Variants in MYO1F observed in about 807,000 individuals in gnomAD.
MYO1F encodes the protein unconventional myosin-If.
Under a neutral mutation model 146.6 loss-of-function variants are expected in MYO1F, and 60 were observed. The ratio of observed to expected loss-of-function variants is 0.41; its 90% CI spans 0.33 to 0.51. MYO1F has a LOEUF of 0.51. Ranked by LOEUF, MYO1F falls within the 20% of genes least tolerant of loss-of-function variation. The pLI is 0.25. For synonymous variants in MYO1F, 602 were observed against 602.1 expected (o/e 1.00, Z 0.00); for missense variants, 1,274 against 1,534.3 (o/e 0.83, Z 2.83).
rs896894788 is a variant in MYO1F, at chr19:8,530,810, C to T, written c.2044-237G>A. Among the ~76,000 whole-genome samples, 4 of 152,154 alleles carry T rather than the reference C, an allele frequency of 2.6e-5. No individual in the cohort carries two copies. The highest frequency in any genetic ancestry group is 1.9e-4 in the East Asian group (1 of 5,186). On this transcript the variant is annotated intron_variant, in intron 19 of 27. Transcript: ENST00000644032. This position sits in a 1 kb window ranked among gnomAD's most constrained non-coding sequence, Gnocchi z 5.8. Reference sequence around the variant, plus strand: ...ATCCTAGCACTTCGGGAGGCCGAGGCGGGTGGATCACCTGAGGTCAGGAGT... The same window carrying T: ...ATCCTAGCACTTCGGGAGGCCGAGGTGGGTGGATCACCTGAGGTCAGGAGT...
In MYO1F at chr19:8,554,723, G is replaced by A. The variant is rs1224460359; in HGVS notation, c.162C>T (p.Leu54=). ...DYIFTYIGSV[L]ISVNPFKQMP... The stretch of plus-strand genomic sequence containing the variant: ...TCTGCTTGAAGGGGTTTACAGAGAT[G>A]AGCACAGAGCCGATGTAGGTCTGAG... Residue 54 remains leucine, a synonymous_variant, in exon 3 of 28, where the codon CTC becomes CTT. Coordinates refer to ENST00000644032, the MANE Select transcript of MYO1F (RefSeq NM_012335.4). 2.5e-6 allele frequency: 4 copies of A among 1,613,836 alleles called. No homozygotes were observed. In the South Asian group the frequency reaches 3.3e-5, roughly 13 times the overall value.
At chr19:8,575,537 G>A (rs990832714) in intron 1 of MYO1F, among the ~76,000 whole-genome samples, 32 of 152,014 alleles carry the variant, frequency 2.1e-4, no homozygotes, top group African/African-American at 7.0e-4. Flanking sequence ...TCTGTGACCC[G>A]ATAGGGCTCA....
At chr19:8,551,461 C>T in intron 8 of MYO1F, 2 of 405,888 alleles carry the variant, frequency 4.9e-6, no homozygotes, top group Non-Finnish European at 9.3e-6. Flanking sequence ...AAGCAATTTT[C>T]CTGCCTCTGC....
rs1973455414 is a variant in MYO1F at position 8,548,254 on chromosome 19, C to T, written c.1165G>A (p.Gly389Ser). 3.1e-6 allele frequency: 5 copies of T among 1,613,966 alleles called. No individual in the cohort carries two copies. Among genetic ancestry groups the T allele is most frequent in the Admixed American group, 1.7e-5 (1 of 59,964 alleles). Residue 389 changes from glycine (G) to serine (S), a missense_variant, in exon 11 of 28, where the codon GGC (glycine) becomes AGC (serine). Physicochemically the swap from Gly to Ser is moderately conservative, Grantham distance 56 (BLOSUM62 0). This residue lies in a region of MYO1F where 900 missense variants were observed against 1,155.1 expected (regional missense o/e 0.78). Coordinates refer to ENST00000644032, the MANE Select transcript of MYO1F (RefSeq NM_012335.4). ...GGCCGTACCTGGAAGATCTCGAAGCCGTAAATGTCCAGCACACCGATGCTG... is the reference window on the plus strand; with the variant it reads ...GGCCGTACCTGGAAGATCTCGAAGCTGTAAATGTCCAGCACACCGATGCTG... ...EYSIGVLDIY[G>S]FEIFQKNGFE...
chr19:8,562,013 CCCTT>C, intron 1 of MYO1F, among the ~76,000 whole-genome samples: 1 of 150,914 alleles, frequency 6.6e-6, no homozygotes, highest in Non-Finnish European at 1.5e-5. Flanking sequence ...CTGCGTCTGG[CCCTT>C]CCTTCCTTTT....
intron 4 of MYO1F, 131 bp from the exon 5 acceptor site, chr19:8,553,568 A>T: frequency 1.3e-6 from 1 of 748,976 alleles, no homozygotes; most frequent in South Asian, 1.6e-5. Context: ...GTAATGAACA[A>T]GACAGATAAA....
Position 8,522,721 on chromosome 19 carries a change from G to A in MYO1F, c.2963C>T (p.Ser988Phe). 6.2e-7 allele frequency: 1 copy of A among 1,613,682 alleles called. No homozygotes were observed. Among genetic ancestry groups the A allele is most frequent in the Non-Finnish European group, 8.5e-7 (1 of 1,179,974 alleles). Residue 988 changes from serine (S) to phenylalanine (F), a missense_variant, in exon 26 of 28, where the codon TCC (serine) becomes TTC (phenylalanine). This residue lies in a region of MYO1F where 374 missense variants were observed against 379.2 expected (regional missense o/e 0.99). Transcript: ENST00000644032. ...HRPPRGPPSTSLGASRRPRAR... is the reference protein window; with the variant it reads ...HRPPRGPPSTFLGASRRPRAR... ...CCGGGGTCGTCTGCTGGCTCCCAGG[G>A]ATGTGGACGGAGGGCCCCGGGGAGG...
At chr19:8,564,050 C>T (rs942761292) in intron 1 of MYO1F, among the ~76,000 whole-genome samples, 5 of 152,044 alleles carry the variant, frequency 3.3e-5, no homozygotes, top group African/African-American at 7.2e-5. Flanking sequence ...AGGTTAATGT[C>T]GGGATTTAAA....
intron 1 of MYO1F, among the ~76,000 whole-genome samples, chr19:8,559,335 G>GC: frequency 1.0e-5 from 1 of 98,826 alleles, no homozygotes; most frequent in African/African-American, 3.5e-5. Context: ...TCTTGAGGGG[G>GC]TGGGGGGTGG....
At chr19:8,532,937 CA>C (rs1972550086) in intron 19 of MYO1F, among the ~76,000 whole-genome samples, 1 of 150,668 alleles carries the variant, frequency 6.6e-6, no homozygotes, top group African/African-American at 2.4e-5. Context: ...CACACACACA[CA>C]CACACACACA....
intron 25 of MYO1F, 25 bp downstream of exon 25, chr19:8,525,452 AAT>A: frequency 6.3e-7 from 1 of 1,599,234 alleles, no homozygotes; most frequent in Non-Finnish European, 8.6e-7. Context: ...CAGACAAGGG[AAT>A]ATAGCAAGGG....
chr19:8,564,841 C>T (rs544070733), intron 1 of MYO1F, among the ~76,000 whole-genome samples: 308 of 151,778 alleles, frequency 2.0e-3, no homozygotes, highest in Middle Eastern at 6.8e-3. Flanking sequence ...GGTATGATTT[C>T]GGCTCACTGC....
chr19:8,525,299 G>C (rs1023506813), intron 25 of MYO1F, 180 bp downstream of exon 25: 31 of 606,242 alleles, frequency 5.1e-5, no homozygotes, highest in East Asian at 2.5e-4. Flanking sequence ...GGTTTTGAAG[G>C]GCTCTGAATG....
intron 10 of MYO1F, chr19:8,549,872 C>G: frequency 1.9e-6 from 1 of 524,338 alleles, no homozygotes; most frequent in Admixed American, 3.2e-5. Flanking sequence ...GCAATCATAG[C>G]TCACTGCAGC....
chr19:8,554,889 A>G (rs1485534728), intron 2 of MYO1F, 146 bp from the exon 3 acceptor site: 5 of 830,458 alleles, frequency 6.0e-6, no homozygotes, highest in Non-Finnish European at 4.0e-6. Context: ...AGTCTCTTGG[A>G]AAAAACAGGG....
chr19:8,522,346 C>G (rs777097779), intron 27 of MYO1F, 31 bp downstream of exon 27: 1 of 1,613,534 alleles, frequency 6.2e-7, no homozygotes, highest in South Asian at 1.1e-5. Context: ...TACCACTCCC[C>G]TCACCCCAGC....
chr19:8,559,426 A>G (rs1184809399), intron 1 of MYO1F, among the ~76,000 whole-genome samples: 5 of 152,018 alleles, frequency 3.3e-5, no homozygotes, highest in Non-Finnish European at 5.9e-5. Context: ...TGGGCATTAA[A>G]TAAGCCCAGC....
chr19:8,575,736 A>G (rs2042228800), intron 1 of MYO1F, among the ~76,000 whole-genome samples: 1 of 151,940 alleles, frequency 6.6e-6, no homozygotes, highest in East Asian at 1.9e-4. Flanking sequence ...CTCTTCTATC[A>G]TCCTCTGCGA....
At chr19:8,540,751 C>T (rs1017583554) in intron 15 of MYO1F, among the ~76,000 whole-genome samples, 9 of 150,998 alleles carry the variant, frequency 6.0e-5, no homozygotes, top group South Asian at 4.2e-4. Context: ...GTGATGGTTG[C>T]GCAATTCTGT....
Sources: gnomAD v4.1 joint callset for allele counts (sites outside exome capture counted in the v4.1 genomes callset) on GRCh38, gnomAD v4.1.1 for gene constraint, gnomAD v4.1.1 regional missense constraint, Gnocchi (gnomAD v3.1) non-coding constraint, MANE v1.5 for transcripts, NCBI Gene and HGNC (gene_info 2026-07-23, HGNC 2026-07-21) for gene names.